MYO1D: variants seen among roughly 807,000 people sequenced by gnomAD.
The protein encoded by MYO1D is myosin ID, also known as unconventional myosin-Id.
MYO1D carries 83 observed loss-of-function variants against 122.0 expected under a neutral mutation model. That is an observed-to-expected ratio of 0.68 (90% confidence interval 0.57 to 0.82). The LOEUF (loss-of-function observed/expected upper bound fraction) is 0.82, where lower values mean the gene tolerates loss of function less well. MYO1D is among the 40% of genes least tolerant of loss of function. The pLI is 0.00. For synonymous variants in MYO1D, 464 were observed against 446.9 expected, an observed-to-expected ratio of 1.04 and a Z score of -0.48; for missense variants, 1,157 against 1,269.5, an observed-to-expected ratio of 0.91 and a Z score of 1.35.
intron 1 of MYO1D, among the ~76,000 whole-genome samples, chr17:32,792,192 G>A (rs1487586083): frequency 6.6e-6 from 1 of 152,094 alleles, no homozygotes; most frequent in Admixed American, 6.6e-5. Flanking sequence ...TCTGTAGAAC[G>A]CACATCTAGA....
chr17:32,643,753 G>T (rs1420996711), intron 19 of MYO1D, among the ~76,000 whole-genome samples: 1 of 151,940 alleles, frequency 6.6e-6, no homozygotes, highest in African/African-American at 2.4e-5. Context: ...ATTTCTGTGG[G>T]ATCGGTGGTG....
chr17:32,708,762 C>T (rs1253833390), intron 16 of MYO1D, among the ~76,000 whole-genome samples: 1 of 152,142 alleles, frequency 6.6e-6, no homozygotes, highest in Non-Finnish European at 1.5e-5. Context: ...TGAAGAAATG[C>T]GAGATCTGTC....
chr17:32,754,888 A>G (rs942870592), intron 11 of MYO1D, among the ~76,000 whole-genome samples: 1 of 149,310 alleles, frequency 6.7e-6, no homozygotes, highest in Admixed American at 6.7e-5. Context: ...AGGTCTGATA[A>G]GCACAATTGT....
intron 1 of MYO1D, among the ~76,000 whole-genome samples, chr17:32,792,803 T>C (rs2090368228): frequency 6.6e-6 from 1 of 152,002 alleles, no homozygotes; most frequent in South Asian, 2.1e-4. Flanking sequence ...CCACCATGCC[T>C]GGCCAATTTT....
At chr17:32,644,924 T>C (rs1848877665) in intron 19 of MYO1D, among the ~76,000 whole-genome samples, 1 of 152,262 alleles carries the variant, frequency 6.6e-6, no homozygotes, top group African/African-American at 2.4e-5. Context: ...TTAAGGTTAA[T>C]ACTGTTATGT....
intron 1 of MYO1D, among the ~76,000 whole-genome samples, chr17:32,835,164 G>GTT (rs779434725): frequency 3.5e-5 from 5 of 140,866 alleles, no homozygotes; most frequent in African/African-American, 1.3e-4. Context: ...TTCTTTTGGG[G>GTT]TTTTTTTTTT....
At chr17:32,791,637 T>C (rs1011359497) in intron 1 of MYO1D, among the ~76,000 whole-genome samples, 12 of 151,996 alleles carry the variant, frequency 7.9e-5, no homozygotes, top group Admixed American at 6.6e-4. Flanking sequence ...AAGAAGCAAA[T>C]AGAGCAAAAT....
intron 1 of MYO1D, among the ~76,000 whole-genome samples, chr17:32,822,716 G>T (rs1256089411): frequency 6.6e-6 from 1 of 151,026 alleles, no homozygotes; most frequent in Non-Finnish European, 1.5e-5. Context: ...TCCTCCGCAC[G>T]GGTCGACCAG....
chr17:32,700,011 A>C (rs935919199), intron 16 of MYO1D, among the ~76,000 whole-genome samples: 2 of 152,220 alleles, frequency 1.3e-5, no homozygotes, highest in African/African-American at 4.8e-5. Context: ...AGAAAAGTAA[A>C]GAAAATACAC....
At chr17:32,775,453 T>C (rs934220082) in intron 4 of MYO1D, among the ~76,000 whole-genome samples, 3 of 152,114 alleles carry the variant, frequency 2.0e-5, no homozygotes, top group Non-Finnish European at 2.9e-5. Context: ...AAAATACATA[T>C]ATGTTACTAT....
At chr17:32,838,604 GA>G (rs776066765) in intron 1 of MYO1D, among the ~76,000 whole-genome samples, 35 of 150,774 alleles carry the variant, frequency 2.3e-4, no homozygotes, top group Non-Finnish European at 4.9e-4. Flanking sequence ...TTAAGGGCGA[GA>G]TCACACAGGA....
chr17:32,855,369 C>T (rs1297045514), intron 1 of MYO1D, among the ~76,000 whole-genome samples: 1 of 152,184 alleles, frequency 6.6e-6, no homozygotes, highest in Non-Finnish European at 1.5e-5. Context: ...ATCCTGACTT[C>T]TTACACCATA....
intron 1 of MYO1D, among the ~76,000 whole-genome samples, chr17:32,844,058 C>T (rs989361195): frequency 6.6e-6 from 1 of 150,590 alleles, no homozygotes; most frequent in Non-Finnish European, 1.5e-5. Context: ...TATTTATCAG[C>T]ATAATGATAA....
chr17:32,759,378 G>A (rs2089978371), intron 10 of MYO1D, among the ~76,000 whole-genome samples: 1 of 152,074 alleles, frequency 6.6e-6, no homozygotes, highest in Non-Finnish European at 1.5e-5. Context: ...TAGAAAATAG[G>A]TAGGAAGGAA....
intron 19 of MYO1D, among the ~76,000 whole-genome samples, chr17:32,650,915 G>T (rs1427434526): frequency 6.6e-6 from 1 of 152,030 alleles, no homozygotes; most frequent in African/African-American, 2.4e-5. Context: ...CTTATGAGTT[G>T]TAGTCTCTTG....
Position 32,790,182 on chromosome 17 carries a change from G to A in MYO1D, c.96-9398C>T, listed in dbSNP as rs147108303. 6.7e-4 allele frequency among the ~76,000 whole-genome samples: 102 copies of A among 152,180 alleles called. 1 individual carries two copies. The East Asian group carries it at 0.017, about 25-fold the overall frequency. On this transcript the variant is annotated intron_variant, in intron 1 of 21. Transcript: ENST00000318217. The stretch of plus-strand genomic sequence containing the variant: ...GATCTGCTCAAACCACTCTCCATCC[G>A]TTCCCCATACAGTAGCAAGTATGAT...
At chr17:32,503,432 A>T (rs1183679047) in intron 21 of MYO1D, among the ~76,000 whole-genome samples, 1 of 152,216 alleles carries the variant, frequency 6.6e-6, no homozygotes, top group African/African-American at 2.4e-5. Context: ...TCTCAATGGC[A>T]TTCCCTGTGA....
chr17:32,625,924 A>G (rs1280076511), intron 20 of MYO1D, among the ~76,000 whole-genome samples: 2 of 152,160 alleles, frequency 1.3e-5, no homozygotes, highest in African/African-American at 4.8e-5. Flanking sequence ...CACACTTGGG[A>G]TTAGGGGCTA....
At chr17:32,518,873 G>A (rs1486662983) in intron 21 of MYO1D, 1 of 152,260 alleles carries the variant, frequency 6.6e-6, no homozygotes, top group African/African-American at 2.4e-5. Flanking sequence ...AGAGGTCCTG[G>A]AAATTCTGCT....
Sources: gnomAD v4.1 joint callset for allele counts (sites outside exome capture counted in the v4.1 genomes callset) on GRCh38, gnomAD v4.1.1 for gene constraint, MANE v1.5 for transcripts, NCBI Gene and HGNC (gene_info 2026-07-23, HGNC 2026-07-21) for gene names.